The following THNSL1 variants were observed in gnomAD, a reference collection of about 807,000 sequenced individuals.
THNSL1 encodes the protein threonine synthase-like 1.
Under a neutral mutation model 50.4 loss-of-function variants are expected in THNSL1, and 48 were observed. The ratio of observed to expected loss-of-function variants is 0.95; its 90% CI spans 0.76 to 1.21. The LOEUF (loss-of-function observed/expected upper bound fraction) is 1.21. Ranked by LOEUF, THNSL1 falls within the 50% of genes most tolerant of loss-of-function variation. The probability of loss-of-function intolerance (pLI) is 0.00; values close to 1 mark genes in which losing one functional copy is unlikely to be tolerated. For synonymous variants in THNSL1, 309 were observed against 306.1 expected (o/e 1.01, Z -0.10); for missense variants, 896 against 871.7 (o/e 1.03, Z -0.35).
the THNSL1 span, among the ~76,000 whole-genome samples, chr10:25,010,324 C>A: frequency 0.036 from 5,523 of 152,092 alleles, 244 homozygotes; most frequent in African/African-American, 0.1. Context: ...GAGATGATTC[C>A]GGGCATCTGA....
At chr10:25,013,957 TAA>T (rs34467911), upstream of THNSL1, among the ~76,000 whole-genome samples, 2 of 148,940 alleles carry the variant, frequency 1.3e-5, no homozygotes, top group Admixed American at 6.7e-5. Context: ...AAAAAGTAAT[TAA>T]AAAAAAAAGG....
At chr10:25,021,178 CAGTG>C (rs1850711390) in intron 1 of THNSL1, among the ~76,000 whole-genome samples, 1 of 152,178 alleles carries the variant, frequency 6.6e-6, no homozygotes. Context: ...AGCCCACTGT[CAGTG>C]AGTGACAATG....
chr10:25,007,353 A>G, the THNSL1 span, among the ~76,000 whole-genome samples: 1 of 152,222 alleles, frequency 6.6e-6, no homozygotes, highest in Non-Finnish European at 1.5e-5. Flanking sequence ...ATTTTTATGT[A>G]TATATGAAAT....
the THNSL1 span, among the ~76,000 whole-genome samples, chr10:24,955,128 G>A: frequency 3.9e-5 from 6 of 152,180 alleles, no homozygotes; most frequent in South Asian, 2.1e-4. Context: ...AAGCAAGCAC[G>A]TCTTACCATG....
chr10:24,976,040 AC>A, the THNSL1 span, among the ~76,000 whole-genome samples: 2 of 152,238 alleles, frequency 1.3e-5, no homozygotes, highest in Non-Finnish European at 2.9e-5. Context: ...TAAAATTGTC[AC>A]ATGCACTGTC....
At chr10:24,998,460 G>A in the THNSL1 span, among the ~76,000 whole-genome samples, 2 of 150,888 alleles carry the variant, frequency 1.3e-5, no homozygotes, top group South Asian at 2.1e-4. Flanking sequence ...CTGCAGTTTC[G>A]AACTCTTGGG....
chr10:24,988,805 T>C, the THNSL1 span, among the ~76,000 whole-genome samples: 3 of 150,752 alleles, frequency 2.0e-5, no homozygotes, highest in South Asian at 2.1e-4. Context: ...TGTTATTTTA[T>C]GAAGAATGAG....
In THNSL1 at chr10:25,025,357, A is replaced by G. The variant is rs1418115505; in HGVS notation, c.2134A>G (p.Thr712Ala). Residue 712 changes from threonine to alanine, a missense_variant, in exon 3 of 3, where the codon ACA becomes GCA. Transcript: ENST00000376356. ...PPLHEALLER[T>A]KQQEKMEYQV... ...ACTGCATGAGGCTTTATTAGAGAGA[A>G]CAAAACAGCAAGAGAAGATGGAGTA... The G allele has an allele frequency of 3.1e-6, 5 of 1,614,104 alleles. No individual in the cohort carries two copies. In the African/African-American group the frequency reaches 6.7e-5, roughly 22 times the overall value.
At chr10:25,002,475 T>C in the THNSL1 span, among the ~76,000 whole-genome samples, 1 of 152,198 alleles carries the variant, frequency 6.6e-6, no homozygotes, top group Non-Finnish European at 1.5e-5. Flanking sequence ...GGAATTTCTC[T>C]CCAGAGAGTA....
At chr10:24,976,118 G>T in the THNSL1 span, among the ~76,000 whole-genome samples, 74,932 of 152,026 alleles carry the variant, frequency 0.49, 19,945 homozygotes, top group African/African-American at 0.7. Context: ...TCAGAATATT[G>T]TGGTGGGTTA....
At position 25,016,642 on chromosome 10, in the gene THNSL1, C is replaced by G. The variant is rs1317797912; in HGVS notation, c.-266C>G. The G allele has an allele frequency of 6.6e-6, 1 of 152,480 alleles. No homozygotes were observed. The highest frequency in any genetic ancestry group is 6.5e-5 in the Admixed American group (1 of 15,288). 9.4% of individuals were successfully genotyped at this position (152,480 alleles called of 1,614,324 possible). On this transcript the variant is annotated 5_prime_UTR_variant, in exon 1 of 3. Transcript: ENST00000376356. ...GCGGAGGCACGCTGGCCGCCGCAGG[C>G]ACAGGCGCAGAGTCCACTGCGCGGG...
chr10:25,025,004 T>TA lies in THNSL1; in HGVS notation c.1782dup (p.Glu595ArgfsTer14). The TA allele has an allele frequency of 1.2e-6, 2 of 1,614,212 alleles. No homozygotes were observed. Among genetic ancestry groups the TA allele is most frequent in the Non-Finnish European group, 1.7e-6 (2 of 1,180,026 alleles). ...CTAATGACAGAATTATTTAATCGATTAGAAAGTCAGCATCATTTCCAGATA... is the reference window on the plus strand; with the variant it reads ...CTAATGACAGAATTATTTAATCGATTAAGAAAGTCAGCATCATTTCCAGATA... On this transcript the variant is annotated frameshift_variant, in exon 3 of 3. Coordinates refer to ENST00000376356, the MANE Select transcript of THNSL1 (RefSeq NM_024838.5). LOFTEE classifies it high-confidence loss of function.
the THNSL1 span, among the ~76,000 whole-genome samples, chr10:25,003,335 T>C: frequency 6.6e-6 from 1 of 152,134 alleles, no homozygotes; most frequent in Non-Finnish European, 1.5e-5. Flanking sequence ...GCCTCCTGAG[T>C]AGCTGGGACT....
the THNSL1 span, among the ~76,000 whole-genome samples, chr10:24,960,369 G>T: frequency 6.6e-6 from 1 of 152,070 alleles, no homozygotes; most frequent in African/African-American, 2.4e-5. Flanking sequence ...AGTCCTATGG[G>T]TTGCACTTGA....
the THNSL1 span, among the ~76,000 whole-genome samples, chr10:25,011,459 C>G: frequency 6.6e-6 from 1 of 151,974 alleles, no homozygotes; most frequent in Non-Finnish European, 1.5e-5. Flanking sequence ...TAGATACAAA[C>G]CTGAGAAAAA....
chr10:24,961,466 G>A, the THNSL1 span, among the ~76,000 whole-genome samples: 1 of 152,058 alleles, frequency 6.6e-6, no homozygotes, highest in South Asian at 2.1e-4. Flanking sequence ...GAATTTCTAA[G>A]TTAGAGAGTA....
chr10:25,023,813 A>C lies in THNSL1; in HGVS notation c.590A>C (p.Tyr197Ser). 6.2e-7 allele frequency: 1 copy of C among 1,614,262 alleles called. No individual in the cohort carries two copies. The highest frequency in any genetic ancestry group is 8.5e-7 in the Non-Finnish European group (1 of 1,180,036). Residue 197 changes from tyrosine (Y) to serine (S), a missense_variant, in exon 3 of 3, where the codon TAT (tyrosine) becomes TCT (serine). Physicochemically the swap from Tyr to Ser is moderately radical, Grantham distance 144. Transcript: ENST00000376356. ...KFRRQYYKKW[Y>S]DARVFCESGA... ...AGAAGACAGTATTATAAGAAGTGGT[A>C]TGATGCTCGTGTTTTCTGTGAAAGT...
At chr10:25,016,606 A>G (rs1201503025), upstream of THNSL1, 1 of 152,288 alleles carries the variant, frequency 6.6e-6, no homozygotes, top group Non-Finnish European at 1.5e-5. Context: ...CCGCTCGGGG[A>G]AGGGCGTGGA....
chr10:25,023,027 T>C, intron 2 of THNSL1, 149 bp from the exon 3 acceptor site: 1 of 495,914 alleles, frequency 2.0e-6, no homozygotes, highest in Non-Finnish European at 3.4e-6. Context: ...TGGAATACTT[T>C]TTTTAATTCC....
Sources: allele counts gnomAD v4.1 joint callset (sites outside exome capture counted in the v4.1 genomes callset), GRCh38; gene constraint gnomAD v4.1.1; transcripts MANE v1.5; gene names NCBI Gene and HGNC (gene_info 2026-07-23, HGNC 2026-07-21).